Variants in PKNOX2 observed in about 807,000 individuals in gnomAD.
PKNOX2 encodes PBX/knotted 1 homeobox 2, also known as homeobox protein PKNOX2.
Under a neutral mutation model 53.1 loss-of-function variants are expected in PKNOX2, and 14 were observed. The observed-to-expected ratio is 0.26, with a 90% confidence interval of 0.17 to 0.41. The LOEUF is 0.41. Ranked by LOEUF, PKNOX2 falls within the 10% of genes least tolerant of loss-of-function variation. The pLI, the probability that PKNOX2 is intolerant of heterozygous loss-of-function variation, is 1.00. For synonymous variants in PKNOX2, 257 were observed against 242.8 expected (o/e 1.06, Z -0.54); for missense variants, 496 against 602.8 (o/e 0.82, Z 1.85).
intron 2 of PKNOX2, among the ~76,000 whole-genome samples, chr11:125,273,528 G>A (rs1448782831): frequency 6.6e-6 from 1 of 152,200 alleles, no homozygotes; most frequent in Non-Finnish European, 1.5e-5. Flanking sequence ...CTTTGGGCTG[G>A]ATGGAGAGAC....
chr11:125,175,151 G>A (rs1464779534), intron 1 of PKNOX2, among the ~76,000 whole-genome samples: 1 of 152,082 alleles, frequency 6.6e-6, no homozygotes, highest in Non-Finnish European at 1.5e-5. Context: ...CTCTTTCCAA[G>A]CTGGACGTCT....
chr11:125,178,474 A>G (rs1231025114), intron 1 of PKNOX2, among the ~76,000 whole-genome samples: 1 of 149,058 alleles, frequency 6.7e-6, no homozygotes, highest in Non-Finnish European at 1.5e-5. Context: ...TTGTGCCATT[A>G]CACTCCAGCC....
Position 125,240,495 on chromosome 11 carries a change from GGA to G in PKNOX2, c.-130+5387_-130+5388del, listed in dbSNP as rs1408334844. Among the ~76,000 whole-genome samples the G allele has an allele frequency of 1.3e-5, 2 of 152,122 alleles. No individual in the cohort carries two copies. Among genetic ancestry groups the G allele is most frequent in the Non-Finnish European group, 2.9e-5 (2 of 68,018 alleles). ...GGGAGGAGAGAGAAGAGGTGGAAAG[GGA>G]GAGAGACCCTTTCCCGCTGCAAGCA... On this transcript the variant is annotated intron_variant, in intron 2 of 12. Transcript: ENST00000298282. This position sits in a 1 kb window ranked among gnomAD's most constrained non-coding sequence, Gnocchi z 4.3.
At chr11:125,356,032 C>A (rs532827639) in intron 4 of PKNOX2, among the ~76,000 whole-genome samples, 7 of 144,040 alleles carry the variant, frequency 4.9e-5, no homozygotes, top group South Asian at 2.4e-4. Context: ...TATCAGCACC[C>A]CCCCCCCCAC....
intron 2 of PKNOX2, among the ~76,000 whole-genome samples, chr11:125,245,316 A>G (rs1943477197): frequency 6.6e-6 from 1 of 152,234 alleles, no homozygotes. Context: ...AGTGCTTCAC[A>G]TGCACTATCT....
At chr11:125,368,742 G>A (rs1349135446) in intron 5 of PKNOX2, among the ~76,000 whole-genome samples, 1 of 152,184 alleles carries the variant, frequency 6.6e-6, no homozygotes, top group African/African-American at 2.4e-5. Flanking sequence ...TCAGGGAAAT[G>A]CCTGTCTCCT....
At chr11:125,390,473 G>A (rs937209436) in intron 6 of PKNOX2, among the ~76,000 whole-genome samples, 2 of 152,200 alleles carry the variant, frequency 1.3e-5, no homozygotes, top group South Asian at 4.1e-4. Context: ...CAACTCTGAG[G>A]AGTCACTATT....
At chr11:125,335,781 G>A (rs1349555429) in intron 3 of PKNOX2, among the ~76,000 whole-genome samples, 1 of 152,118 alleles carries the variant, frequency 6.6e-6, no homozygotes, top group Non-Finnish European at 1.5e-5. Flanking sequence ...TTGCTCCACT[G>A]TACTCCAGCC....
At chr11:125,200,591 G>A (rs1422822767) in intron 1 of PKNOX2, among the ~76,000 whole-genome samples, 1 of 152,120 alleles carries the variant, frequency 6.6e-6, no homozygotes, top group Non-Finnish European at 1.5e-5. Flanking sequence ...CCTCCCGCCG[G>A]TTCCCAACCT....
chr11:125,247,032 A>T (rs547834832), intron 2 of PKNOX2, among the ~76,000 whole-genome samples: 3 of 152,330 alleles, frequency 2.0e-5, no homozygotes, highest in East Asian at 3.9e-4. Flanking sequence ...GCATTTATTA[A>T]GCACTGGCTG....
chr11:125,250,908 GT>G (rs1943943349), intron 2 of PKNOX2, among the ~76,000 whole-genome samples: 1 of 152,266 alleles, frequency 6.6e-6, no homozygotes, highest in Non-Finnish European at 1.5e-5. Context: ...CTGGGCCCAG[GT>G]TCCTCCTTCT....
chr11:125,242,621 G>A (rs1390304549), intron 2 of PKNOX2, among the ~76,000 whole-genome samples: 1 of 152,094 alleles, frequency 6.6e-6, no homozygotes. Context: ...GAGCAGCCCA[G>A]GGGAAATGGC....
rs757190847 is a variant in PKNOX2 at position 125,412,289 on chromosome 11, TC to T, written c.936+426del. On this transcript the variant is annotated intron_variant, in intron 10 of 12. Transcript: ENST00000298282. ...AAGAATGTGTTGACTCTGCCAGGAC[TC>T]CTGAGTCCTCCCCACTGGGTGAGCC... Among the ~76,000 whole-genome samples the T allele has an allele frequency of 2.6e-5, 4 of 152,238 alleles. No homozygotes were observed. In the East Asian group the frequency reaches 7.7e-4, roughly 29 times the overall value.
intron 2 of PKNOX2, among the ~76,000 whole-genome samples, chr11:125,263,851 G>A (rs926040193): frequency 7.2e-5 from 11 of 152,234 alleles, no homozygotes; most frequent in Admixed American, 2.6e-4. Context: ...TGAATCTGGA[G>A]AACAGCTGCC....
rs114364315 is a variant in PKNOX2 at position 125,220,754 on chromosome 11, G to A, written c.-200-14291G>A. 1.7e-3 allele frequency among the ~76,000 whole-genome samples: 252 copies of A among 152,290 alleles called. 1 individual carries two copies. The highest frequency in any genetic ancestry group is 5.8e-3 in the African/African-American group (240 of 41,546). ...CAGTATTTCTGACTACAAAAGCAGA[G>A]GGGATGTTCCTCCGAAGTTTCAAAG... On this transcript the variant is annotated intron_variant, in intron 1 of 12. Coordinates refer to ENST00000298282, the MANE Select transcript of PKNOX2 (RefSeq NM_001382323.2).
chr11:125,188,594 C>G (rs985836232), intron 1 of PKNOX2, among the ~76,000 whole-genome samples: 5 of 152,130 alleles, frequency 3.3e-5, no homozygotes, highest in African/African-American at 4.8e-5. Context: ...GGATTGGGAG[C>G]AAATTGTTTG....
chr11:125,321,276 T>G (rs1217761665), intron 2 of PKNOX2, among the ~76,000 whole-genome samples: 1 of 152,238 alleles, frequency 6.6e-6, no homozygotes, highest in Non-Finnish European at 1.5e-5. Flanking sequence ...GGTCTTGTGT[T>G]GCAACTGCAA....
rs568246110 is a variant in PKNOX2, at chr11:125,410,390, G to A, written c.718+65G>A. ...CTGGGAGGAGAAAGGGTGGCCCCGA[G>A]GCGGTTCCAGGGGTGGGGGTTGTCC... On this transcript the variant is annotated intron_variant, in intron 8 of 12. Transcript: ENST00000298282. 4 of 1,597,908 alleles carry A rather than the reference G, an allele frequency of 2.5e-6. No individual in the cohort carries two copies. The South Asian group carries it at 3.3e-5, about 13-fold the overall frequency.
intron 10 of PKNOX2, among the ~76,000 whole-genome samples, chr11:125,428,395 A>G (rs1956532860): frequency 6.6e-6 from 1 of 152,182 alleles, no homozygotes; most frequent in Admixed American, 6.5e-5. Context: ...GGGAATAACA[A>G]TACCTAACCT....
Sources: allele counts gnomAD v4.1 joint callset (sites outside exome capture counted in the v4.1 genomes callset), GRCh38; gene constraint gnomAD v4.1.1; non-coding constraint Gnocchi (gnomAD v3.1); transcripts MANE v1.5; gene names NCBI Gene and HGNC (gene_info 2026-07-23, HGNC 2026-07-21).